TYK2: variants seen among roughly 807,000 people sequenced by gnomAD.
TYK2 encodes non-receptor tyrosine-protein kinase TYK2.
Under a neutral mutation model 130.9 loss-of-function variants are expected in TYK2, and 65 were observed. The ratio of observed to expected loss-of-function variants is 0.50; its 90% confidence interval spans 0.41 to 0.61. The LOEUF (loss-of-function observed/expected upper bound fraction) is 0.61, where lower values mean the gene tolerates loss of function less well. Ranked by LOEUF, TYK2 falls within the 20% of genes least tolerant of loss-of-function variation. The pLI, the probability that TYK2 is intolerant of heterozygous loss-of-function variation, is 0.00. For synonymous variants in TYK2, 647 were observed against 658.9 expected (o/e 0.98, Z 0.28); for missense variants, 1,378 against 1,610.7 (o/e 0.86, Z 2.47).
Position 10,350,545 on chromosome 19 carries a change from G to A in TYK2, c.*289C>T. 2.1e-6 allele frequency: 1 copy of A among 473,306 alleles called. No homozygotes were observed. Among genetic ancestry groups the A allele is most frequent in the Non-Finnish European group, 3.8e-6 (1 of 259,762 alleles). 29.3% of individuals were successfully genotyped at this position (473,306 alleles called of 1,614,324 possible). ...TCACAGGCTCCAGCAGAGAAAACAT[G>A]AGTTTATTACCAGATGGTGGAGATG... On this transcript the variant is annotated 3_prime_UTR_variant, in exon 25 of 25. Coordinates refer to ENST00000525621, the MANE Select transcript of TYK2 (RefSeq NM_003331.5).
rs150601734 is a variant in TYK2 at position 10,364,707 on chromosome 19, C to A, written c.1274G>T (p.Arg425Leu). 1 of 1,613,698 alleles carries A rather than the reference C, an allele frequency of 6.2e-7. No individual in the cohort carries two copies. The highest frequency in any genetic ancestry group is 8.5e-7 in the Non-Finnish European group (1 of 1,179,994). ...SFVSLVDGYFRLTADSSHYLC... is the reference protein window; with the variant it reads ...SFVSLVDGYFLLTADSSHYLC... The stretch of plus-strand genomic sequence containing the variant: ...GTAGTGGCTGGAGTCGGCCGTCAGG[C>A]GGAAATAGCCGTCCACCAGCGACAC... Residue 425 changes from arginine to leucine, a missense_variant, in exon 9 of 25, where the codon CGC becomes CTC. Transcript: ENST00000525621. This position sits in a 1 kb window ranked among gnomAD's most constrained non-coding sequence, Gnocchi z 4.9.
At chr19:10,359,451 T>A in intron 14 of TYK2, 149 bp from the exon 15 acceptor site, 1 of 966,670 alleles carries the variant, frequency 1.0e-6, no homozygotes, top group Non-Finnish European at 1.6e-6. Context: ...GGGTTGAAAG[T>A]GAGTTTGGGG....
Position 10,353,699 on chromosome 19 carries a change from A to C in TYK2, c.2909-53T>G. ...GGGGACGATAGAGGGCGGGCCGGGG[A>C]CCGCCTACCTTGAGCCCAGCAGAGC... On this transcript the variant is annotated intron_variant, in intron 20 of 24. Coordinates refer to ENST00000525621, the MANE Select transcript of TYK2 (RefSeq NM_003331.5). This position sits in a 1 kb window ranked among gnomAD's most constrained non-coding sequence, Gnocchi z 6.9. 2.2e-6 allele frequency: 3 copies of C among 1,339,570 alleles called. No homozygotes were observed. The highest frequency in any genetic ancestry group is 3.0e-6 in the Non-Finnish European group (3 of 998,468). The allele number at this position is 1,339,570 out of a possible 1,614,324, so 83.0% of individuals were successfully genotyped here. A position where few individuals can be genotyped will look rare whatever the true frequency, so the allele number is the denominator to read the frequency against.
At chr19:10,358,533 G>C (rs12720296) in intron 15 of TYK2, among the ~76,000 whole-genome samples, 4,440 of 151,826 alleles carry the variant, frequency 0.029, 217 homozygotes, top group African/African-American at 0.1. Flanking sequence ...AGCTTACTAC[G>C]GCCTCAAATT....
At chr19:10,375,208 T>C (rs1340602219) in intron 3 of TYK2, among the ~76,000 whole-genome samples, 1 of 148,814 alleles carries the variant, frequency 6.7e-6, no homozygotes, top group Non-Finnish European at 1.5e-5. Context: ...AATGGGGAAG[T>C]AGGAAGTGTT....
chr19:10,370,900 G>A (rs974170865), intron 3 of TYK2, among the ~76,000 whole-genome samples: 4 of 151,928 alleles, frequency 2.6e-5, no homozygotes, highest in Admixed American at 1.3e-4. Context: ...CACTTTGGGA[G>A]GCTAAGGCGG....
At chr19:10,366,036 C>T in intron 6 of TYK2, 138 bp from the exon 7 acceptor site, 1 of 1,000,946 alleles carries the variant, frequency 1.0e-6, no homozygotes, top group Non-Finnish European at 1.4e-6. Flanking sequence ...GGTGTGGTGA[C>T]TTGAGCCTGT....
chr19:10,357,326 T>C (rs1019657719), intron 17 of TYK2: 2 of 601,212 alleles, frequency 3.3e-6, no homozygotes, highest in African/African-American at 1.9e-5. Flanking sequence ...GAGGCAGAGG[T>C]TGCAGTGAGC....
chr19:10,374,639 G>C (rs976641303), intron 3 of TYK2, among the ~76,000 whole-genome samples: 32 of 142,756 alleles, frequency 2.2e-4, no homozygotes, highest in African/African-American at 8.2e-4. Flanking sequence ...TGTCATCCCA[G>C]CACTTTGAGA....
In TYK2 at chr19:10,359,239, C is replaced by A; in HGVS notation, c.2111G>T (p.Gly704Val). 2 of 1,610,746 alleles carry A rather than the reference C, an allele frequency of 1.2e-6. No individual in the cohort carries two copies. The highest frequency in any genetic ancestry group is 8.5e-7 in the Non-Finnish European group (1 of 1,179,928). ...PLDVWLRRER[G>V]HVPMAWKMVV... ...CATCTTCCAAGCCATGGGCACATGGCCCCGCTCCCTCCGCAGCCACACATC... is the reference window on the plus strand; with the variant it reads ...CATCTTCCAAGCCATGGGCACATGGACCCGCTCCCTCCGCAGCCACACATC... The change falls in exon 15 of 25, where the codon GGC (glycine) becomes GTC (valine). Residue 704 changes from glycine (G) to valine (V), a missense_variant. Transcript: ENST00000525621.
rs372017111 is a variant in TYK2 at position 10,354,540 on chromosome 19, T to C, written c.2687A>G (p.Tyr896Cys). The change falls in exon 19 of 25, where the codon TAT becomes TGT. Residue 896 changes from tyrosine (Y) to cysteine (C), a missense_variant. Tyr to Cys is a radical substitution (Grantham distance 194). Transcript: ENST00000525621. ...GCCCAGATCTCGGATCTTTTTCAAA[T>C]AGCGCTTGTGGAAAACCGTAGGGTC... ...ASDPTVFHKR[Y>C]LKKIRDLGEG... 3.5e-5 allele frequency: 56 copies of C among 1,613,884 alleles called. No homozygotes were observed. Among genetic ancestry groups the C allele is most frequent in the African/African-American group, 8.0e-5 (6 of 74,872 alleles).
Position 10,362,174 on chromosome 19 carries a change from G to A in TYK2, c.1677C>T (p.Ser559=). The change falls in exon 12 of 25, where the codon TCC becomes TCT. Residue 559 remains serine (S), a synonymous_variant. Coordinates refer to ENST00000525621, the MANE Select transcript of TYK2 (RefSeq NM_003331.5). ...RCCLPQPGET[S]NLIIMRGARA... Reference sequence around the variant, plus strand: ...GAGCCCCCCGCATGATGATGAGATTGGAGGTTTCTGGGGGCAGGCATCAAG... The same window carrying A: ...GAGCCCCCCGCATGATGATGAGATTAGAGGTTTCTGGGGGCAGGCATCAAG... The A allele has an allele frequency of 6.2e-7, 1 of 1,614,008 alleles. No homozygotes were observed. Among genetic ancestry groups the A allele is most frequent in the Non-Finnish European group, 8.5e-7 (1 of 1,179,992 alleles).
chr19:10,355,834 C>T (rs1460475104), intron 18 of TYK2, among the ~76,000 whole-genome samples: 10 of 151,440 alleles, frequency 6.6e-5, no homozygotes, highest in South Asian at 2.1e-4. Flanking sequence ...TGGTGGTGGG[C>T]GCCTGTAGTC....
chr19:10,361,666 C>T lies in TYK2; in HGVS notation c.1960-68G>A. On this transcript the variant is annotated intron_variant, in intron 13 of 24. Coordinates refer to ENST00000525621, the MANE Select transcript of TYK2 (RefSeq NM_003331.5). The surrounding 1 kb of genome is among the most constrained non-coding windows in gnomAD (Gnocchi z 4.0). ...TCCCATCCCACCTCCTCCACGGACA[C>T]ACCCCTCCCATCCCACCTCCTCCAC... is the stretch of plus-strand genomic sequence containing the variant. The T allele has an allele frequency of 1.3e-6, 2 of 1,571,378 alleles. No homozygotes were observed. The highest frequency in any genetic ancestry group is 2.2e-5 in the South Asian group (2 of 89,016).
At chr19:10,363,317 G>A (rs1433364941) in intron 9 of TYK2, among the ~76,000 whole-genome samples, 1 of 151,628 alleles carries the variant, frequency 6.6e-6, no homozygotes, top group African/African-American at 2.4e-5. Flanking sequence ...AGCCTCCTGA[G>A]GAGCCAGGAT....
chr19:10,373,948 C>T (rs1050617944), intron 3 of TYK2, among the ~76,000 whole-genome samples: 3 of 152,080 alleles, frequency 2.0e-5, no homozygotes, highest in Non-Finnish European at 2.9e-5. Context: ...TCACATCACC[C>T]GCACACCTGT....
chr19:10,380,054 G>C (rs2145385914), intron 1 of TYK2, among the ~76,000 whole-genome samples: 1 of 152,326 alleles, frequency 6.6e-6, no homozygotes, highest in South Asian at 2.1e-4. Context: ...TCCTCATCTG[G>C]AAAATGGGCA....
In TYK2 at chr19:10,377,438, GGATA is replaced by G. The variant is rs1390855030; in HGVS notation, c.193+772_193+775del. Among the ~76,000 whole-genome samples, 9 of 144,326 alleles carry G rather than the reference GGATA, an allele frequency of 6.2e-5. No homozygotes were observed. In the East Asian group the frequency reaches 1.0e-3, roughly 17 times the overall value. The allele number at this position is 144,326 out of a possible 152,430, so 94.7% of individuals were successfully genotyped here. On this transcript the variant is annotated intron_variant, in intron 3 of 24. Transcript: ENST00000525621. Reference sequence around the variant, plus strand: ...TGGATGGATGGATGGATGGATGGATGGATAGATGGATGAATGGGTGGGAGGATGG... The same window carrying G: ...TGGATGGATGGATGGATGGATGGATGGATGGATGAATGGGTGGGAGGATGG...
At chr19:10,371,439 G>A (rs951882651) in intron 3 of TYK2, among the ~76,000 whole-genome samples, 1 of 151,894 alleles carries the variant, frequency 6.6e-6, no homozygotes, top group African/African-American at 2.4e-5. Context: ...TCGGGAGTTC[G>A]AGACCAGCCT....
Sources: allele counts gnomAD v4.1 joint callset (sites outside exome capture counted in the v4.1 genomes callset), GRCh38; gene constraint gnomAD v4.1.1; non-coding constraint Gnocchi (gnomAD v3.1); transcripts MANE v1.5; gene names NCBI Gene and HGNC (gene_info 2026-07-23, HGNC 2026-07-21).